The following LMBR1 variants were observed in gnomAD, a reference collection of about 807,000 sequenced individuals.
LMBR1 encodes the protein limb region 1 protein homolog.
Under a neutral mutation model 73.9 loss-of-function variants are expected in LMBR1, and 52 were observed. The ratio of observed to expected loss-of-function variants is 0.70; its 90% CI spans 0.56 to 0.89. The LOEUF (loss-of-function observed/expected upper bound fraction) is 0.89. LMBR1 is among the 40% of genes least tolerant of loss of function. LMBR1 has a pLI of 0.00. For synonymous variants in LMBR1, 215 were observed against 209.4 expected, an observed-to-expected ratio of 1.03 and a Z score of -0.23; for missense variants, 539 against 579.8, an observed-to-expected ratio of 0.93 and a Z score of 0.72.
At chr7:156,826,395 T>C (rs975134195) in intron 4 of LMBR1, among the ~76,000 whole-genome samples, 2 of 152,192 alleles carry the variant, frequency 1.3e-5, no homozygotes, top group African/African-American at 2.4e-5. Context: ...GTATAAACAC[T>C]GCTTCTTAAC....
chr7:156,831,823 G>A (rs187199336), intron 3 of LMBR1, among the ~76,000 whole-genome samples: 297 of 152,264 alleles, frequency 2.0e-3, no homozygotes, highest in Non-Finnish European at 3.4e-3. Context: ...ACGGATCTAC[G>A]AGTACACTGA....
chr7:156,762,828 TGAAA>T (rs1823313351), intron 7 of LMBR1, among the ~76,000 whole-genome samples: 3 of 133,326 alleles, frequency 2.3e-5, no homozygotes, highest in African/African-American at 8.2e-5. Flanking sequence ...TATGAGTGTG[TGAAA>T]GTGTGTGAGT....
At chr7:156,806,493 A>G (rs1338422758) in intron 4 of LMBR1, among the ~76,000 whole-genome samples, 1 of 151,778 alleles carries the variant, frequency 6.6e-6, no homozygotes, top group Non-Finnish European at 1.5e-5. Context: ...GATGTTACAT[A>G]GAAGTGGTAA....
intron 12 of LMBR1, among the ~76,000 whole-genome samples, chr7:156,727,604 A>G (rs1816024826): frequency 6.6e-6 from 1 of 152,132 alleles, no homozygotes; most frequent in Admixed American, 6.5e-5. Flanking sequence ...TCCTGGAAAG[A>G]CTCAGGTGGG....
chr7:156,758,427 T>C (rs924818126), intron 8 of LMBR1, among the ~76,000 whole-genome samples: 3 of 152,236 alleles, frequency 2.0e-5, no homozygotes, highest in African/African-American at 7.2e-5. Flanking sequence ...GTAGTTTGGA[T>C]ATTTGTCCCT....
At chr7:156,764,513 T>G (rs1823731871) in intron 5 of LMBR1, among the ~76,000 whole-genome samples, 1 of 152,080 alleles carries the variant, frequency 6.6e-6, no homozygotes, top group Admixed American at 6.6e-5. Flanking sequence ...AAGAAACCGC[T>G]TTTACTCCCC....
intron 5 of LMBR1, among the ~76,000 whole-genome samples, chr7:156,775,062 C>T (rs1825882432): frequency 6.6e-6 from 1 of 152,118 alleles, no homozygotes; most frequent in South Asian, 2.1e-4. Context: ...CTATCAGGTA[C>T]TATGCTTACA....
intron 1 of LMBR1, among the ~76,000 whole-genome samples, chr7:156,886,468 A>T (rs1314423118): frequency 1.3e-5 from 2 of 152,268 alleles, no homozygotes; most frequent in Non-Finnish European, 2.9e-5. Context: ...CCCTGTAGTC[A>T]GATGGCGAAG....
At chr7:156,801,032 A>C (rs112408680) in intron 4 of LMBR1, among the ~76,000 whole-genome samples, 4,836 of 152,334 alleles carry the variant, frequency 0.032, 122 homozygotes, top group South Asian at 0.084. Flanking sequence ...TGCTGTGAAC[A>C]TTGTGGAAAT....
chr7:156,859,582 C>A (rs73167922), intron 1 of LMBR1, among the ~76,000 whole-genome samples: 6,478 of 135,338 alleles, frequency 0.048, 193 homozygotes, highest in Admixed American at 0.053. Flanking sequence ...AAAAAAAAAA[C>A]CACCATTTAC....
At chr7:156,676,338 A>C, downstream of LMBR1, 1 of 1,613,338 alleles carries the variant, frequency 6.2e-7, no homozygotes, top group Non-Finnish European at 8.5e-7. Flanking sequence ...CTCGGGGCAC[A>C]TGGTTCGCAT....
At position 156,854,874 on chromosome 7, in the gene LMBR1, A is replaced by AT. The variant is rs140455700; in HGVS notation, c.67-17990dup. Among the ~76,000 whole-genome samples the AT allele has an allele frequency of 5.3e-3, 806 of 152,360 alleles. 9 individuals carry two copies. The highest frequency in any genetic ancestry group is 0.019 in the African/African-American group (773 of 41,576). On this transcript the variant is annotated intron_variant, in intron 1 of 16. Coordinates refer to ENST00000353442, the MANE Select transcript of LMBR1 (RefSeq NM_022458.4). ...GGGGAAACCAAAGACAACAGAAGAG[A>AT]TAAAAACAAGAACACTAGGGGAAAT...
chr7:156,722,023 T>C (rs1412443853), intron 15 of LMBR1, among the ~76,000 whole-genome samples: 1 of 152,152 alleles, frequency 6.6e-6, no homozygotes, highest in African/African-American at 2.4e-5. Context: ...CATCATTTCT[T>C]TTATACTAGA....
At chr7:156,823,537 G>C in intron 4 of LMBR1, 1 of 152,178 alleles carries the variant, frequency 6.6e-6, no homozygotes, top group Admixed American at 6.5e-5. Flanking sequence ...AGAGGACAGG[G>C]TGGGTTTGGT....
intron 5 of LMBR1, among the ~76,000 whole-genome samples, chr7:156,783,274 C>A (rs1827473076): frequency 6.6e-6 from 1 of 152,116 alleles, no homozygotes; most frequent in South Asian, 2.1e-4. Context: ...TGGGCTCAAG[C>A]AATCCTCCCA....
intron 9 of LMBR1, among the ~76,000 whole-genome samples, chr7:156,743,699 G>C (rs759950459): frequency 1.3e-5 from 2 of 151,550 alleles, no homozygotes; most frequent in Admixed American, 6.6e-5. Flanking sequence ...TATCCTTTTT[G>C]CCCATGTTAA....
chr7:156,804,271 C>T (rs1011661731), intron 4 of LMBR1, among the ~76,000 whole-genome samples: 3 of 152,150 alleles, frequency 2.0e-5, no homozygotes, highest in Admixed American at 6.5e-5. Flanking sequence ...TAGATTGAAT[C>T]GCTATTGGAC....
chr7:156,851,038 C>T (rs574857674), intron 1 of LMBR1, among the ~76,000 whole-genome samples: 5 of 152,274 alleles, frequency 3.3e-5, no homozygotes, highest in Non-Finnish European at 5.9e-5. Context: ...ATATGACACC[C>T]GCCACTTCAC....
chr7:156,801,950 G>C (rs1831066962), intron 4 of LMBR1, among the ~76,000 whole-genome samples: 1 of 152,128 alleles, frequency 6.6e-6, no homozygotes, highest in Non-Finnish European at 1.5e-5. Context: ...CTAATATGCT[G>C]TAATGTTTTT....
Sources: gnomAD v4.1 joint callset for allele counts (sites outside exome capture counted in the v4.1 genomes callset) on GRCh38, gnomAD v4.1.1 for gene constraint, MANE v1.5 for transcripts, NCBI Gene and HGNC (gene_info 2026-07-23, HGNC 2026-07-21) for gene names.